Variants in CEP192 observed in about 807,000 individuals in gnomAD.
The protein encoded by CEP192 is centrosomal protein 192.
In CEP192, 151 loss-of-function variants were observed where a neutral mutation model predicts 271.8. That is an observed-to-expected ratio of 0.56 (90% CI 0.49 to 0.64). CEP192 has a LOEUF of 0.64. Among genes scored for constraint, CEP192 ranks in the 30% least tolerant of loss-of-function variants. The probability of loss-of-function intolerance (pLI) is 0.00; values close to 1 mark genes in which losing one functional copy is unlikely to be tolerated. For synonymous variants in CEP192, 995 were observed against 1,076.5 expected (o/e 0.92, Z 1.48); for missense variants, 2,910 against 3,020.5 (o/e 0.96, Z 0.86).
intron 17 of CEP192, among the ~76,000 whole-genome samples, chr18:13,050,606 G>A (rs554965302): frequency 1.7e-4 from 25 of 149,862 alleles, no homozygotes; most frequent in South Asian, 1.5e-3. Flanking sequence ...TTCCGACAGA[G>A]TCTCGCTCTG....
intron 2 of CEP192, among the ~76,000 whole-genome samples, chr18:13,001,182 A>G (rs888894651): frequency 2.0e-5 from 3 of 152,160 alleles, no homozygotes; most frequent in Non-Finnish European, 4.4e-5. Flanking sequence ...AGTGAGGAGC[A>G]CCATCTTGAC....
chr18:13,021,802 T>G (rs1329797647), intron 9 of CEP192, among the ~76,000 whole-genome samples: 1 of 152,218 alleles, frequency 6.6e-6, no homozygotes, highest in Non-Finnish European at 1.5e-5. Context: ...TTTTGTAGCT[T>G]TCAGTATGTC....
intron 1 of CEP192, among the ~76,000 whole-genome samples, chr18:12,998,832 A>G (rs192236004): frequency 5.4e-4 from 82 of 152,328 alleles, no homozygotes; most frequent in Non-Finnish European, 9.0e-4. Flanking sequence ...TAGTAATAGC[A>G]TAGGTTTTGT....
chr18:13,056,129 G>A lies in CEP192; in HGVS notation c.3539G>A (p.Gly1180Glu). 6.2e-7 allele frequency: 1 copy of A among 1,613,028 alleles called. No individual in the cohort carries two copies. The highest frequency in any genetic ancestry group is 8.5e-7 in the Non-Finnish European group (1 of 1,179,380). The change falls in exon 19 of 45, where the codon GGG (glycine) becomes GAG (glutamate). Residue 1180 changes from glycine to glutamate, a missense_variant. By Grantham distance (98) the Gly-to-Glu change is moderately conservative (BLOSUM62 -2). Transcript: ENST00000506447. ...AAGTCAGGTCTGAGCTGTCAGGTGG[G>A]GTCAGCCACATCACACCCTGTGTCC... ...LGKSGLSCQV[G>E]SATSHPVSCQ... is the part of the protein sequence containing the mutation.
At chr18:13,031,001 A>T (rs1282448393) in intron 11 of CEP192, among the ~76,000 whole-genome samples, 1 of 152,206 alleles carries the variant, frequency 6.6e-6, no homozygotes, top group East Asian at 1.9e-4. Context: ...AAATGATGGA[A>T]GAAAAGTAAC....
chr18:13,010,455 A>G (rs2034272979), intron 4 of CEP192, among the ~76,000 whole-genome samples: 1 of 152,202 alleles, frequency 6.6e-6, no homozygotes, highest in South Asian at 2.1e-4. Flanking sequence ...GAAAGAAAAG[A>G]GTGGTATTAT....
rs192379040 is a variant in CEP192 at position 13,020,313 on chromosome 18, A to G, written c.1050+1107A>G. ...ATTTGCCCACTCTGGGTAACCTCAT[A>G]TAAGTGAAATCATACAATATTTGGC... On this transcript the variant is annotated intron_variant, in intron 9 of 44. Coordinates refer to ENST00000506447, the MANE Select transcript of CEP192 (RefSeq NM_032142.4). 9.2e-5 allele frequency among the ~76,000 whole-genome samples: 14 copies of G among 152,178 alleles called. No homozygotes were observed. The South Asian group carries it at 2.5e-3, about 27-fold the overall frequency.
At chr18:13,073,932 T>C (rs142256822) in intron 30 of CEP192, among the ~76,000 whole-genome samples, 2 of 152,262 alleles carry the variant, frequency 1.3e-5, no homozygotes, top group Non-Finnish European at 1.5e-5. Context: ...AAGACAAGAG[T>C]TTTTATGCTT....
chr18:13,112,215 G>T lies in CEP192; in HGVS notation c.7048-1371G>T, dbSNP rs78494451. On this transcript the variant is annotated intron_variant, in intron 40 of 44. Coordinates refer to ENST00000506447, the MANE Select transcript of CEP192 (RefSeq NM_032142.4). ...TTATTCACAATAGACAAAAAAGTGG[G>T]AATCACCCAAATGTCTGATGGGTCG... Among the ~76,000 whole-genome samples, 3 of 152,288 alleles carry T rather than the reference G, an allele frequency of 2.0e-5. No homozygotes were observed. In the East Asian group the frequency reaches 5.8e-4, roughly 29 times the overall value.
chr18:13,057,564 C>G, intron 19 of CEP192, 21 bp from the exon 20 acceptor site: 1 of 1,605,430 alleles, frequency 6.2e-7, no homozygotes, highest in Non-Finnish European at 8.5e-7. Flanking sequence ...GCATTTTTGA[C>G]TGTGCCTTAT....
Position 13,103,595 on chromosome 18 carries a change from C to G in CEP192, c.6951+7C>G. ...AGCGCCACCTTATGTCAAGGTCAGT[C>G]ATGACTGCCTCAGATATAATCGTTT... On this transcript the variant is annotated splice_region_variant and intron_variant, in intron 39 of 44. Coordinates refer to ENST00000506447, the MANE Select transcript of CEP192 (RefSeq NM_032142.4). 2 of 1,598,406 alleles carry G rather than the reference C, an allele frequency of 1.3e-6. No homozygotes were observed. Among genetic ancestry groups the G allele is most frequent in the South Asian group, 2.2e-5 (2 of 90,744 alleles).
chr18:13,124,384 A>T (rs987525524), intron 44 of CEP192: 1 of 349,046 alleles, frequency 2.9e-6, no homozygotes, highest in African/African-American at 2.0e-5. Context: ...CTTTTTATAT[A>T]TTAATAGTTA....
At chr18:13,034,562 C>CT (rs957918513) in intron 11 of CEP192, among the ~76,000 whole-genome samples, 1 of 151,994 alleles carries the variant, frequency 6.6e-6, no homozygotes, top group African/African-American at 2.4e-5. Flanking sequence ...AATCCCAGCA[C>CT]TTTGGGAGGC....
Position 13,059,147 on chromosome 18 carries a change from A to G in CEP192, c.4323A>G (p.Thr1441=). Residue 1441 remains threonine (T), a synonymous_variant, in exon 21 of 45, where the codon ACA becomes ACG. Transcript: ENST00000506447. ...KNKAIIRPHA[T]EEIKVLFIPS... is the part of the protein sequence containing the mutation. ...AAGCCATCATAAGACCTCATGCCAC[A>G]GAAGAGATAAAAGTGCTTTTTATAC... The G allele has an allele frequency of 1.2e-5, 20 of 1,614,138 alleles. No homozygotes were observed. The highest frequency in any genetic ancestry group is 1.6e-5 in the Non-Finnish European group (19 of 1,179,978).
At chr18:13,003,552 G>A (rs766091317) in intron 3 of CEP192, among the ~76,000 whole-genome samples, 93 of 152,060 alleles carry the variant, frequency 6.1e-4, no homozygotes, top group Non-Finnish European at 1.2e-3. Flanking sequence ...CAAAGGTGCG[G>A]CCAGCCTGAA....
At chr18:13,038,017 A>G (rs186182479) in intron 12 of CEP192, among the ~76,000 whole-genome samples, 29 of 151,786 alleles carry the variant, frequency 1.9e-4, no homozygotes, top group Middle Eastern at 6.8e-3. Context: ...TCTTCTTATT[A>G]TTTTTCAGAT....
chr18:13,098,685 C>T (rs1038110978), intron 36 of CEP192, among the ~76,000 whole-genome samples: 2 of 151,204 alleles, frequency 1.3e-5, no homozygotes, highest in African/African-American at 4.9e-5. Context: ...AGACGCTCCT[C>T]ACTTTCCAGA....
chr18:13,056,555 G>T lies in CEP192; in HGVS notation c.3965G>T (p.Trp1322Leu). Reference sequence around the variant, plus strand: ...CTAGGATCAAATATCGGCTCTGGATGGATGGGTACCTCTTCCCTCTGTAAC... The same window carrying T: ...CTAGGATCAAATATCGGCTCTGGATTGATGGGTACCTCTTCCCTCTGTAAC... ...ICLGSNIGSGWMGTSSLCNPY... is the reference protein window; with the variant it reads ...ICLGSNIGSGLMGTSSLCNPY... Residue 1322 changes from tryptophan (W) to leucine (L), a missense_variant, in exon 19 of 45, where the codon TGG (tryptophan) becomes TTG (leucine). Transcript: ENST00000506447. 1 of 1,614,162 alleles carries T rather than the reference G, an allele frequency of 6.2e-7. No homozygotes were observed. The highest frequency in any genetic ancestry group is 8.5e-7 in the Non-Finnish European group (1 of 1,180,020).
At chr18:13,122,794 C>T (rs923836629) in intron 44 of CEP192, among the ~76,000 whole-genome samples, 1 of 151,806 alleles carries the variant, frequency 6.6e-6, no homozygotes, top group African/African-American at 2.4e-5. Context: ...AACTAGACCT[C>T]CCCACTGGGT....
Sources: allele counts gnomAD v4.1 joint callset (sites outside exome capture counted in the v4.1 genomes callset), GRCh38; gene constraint gnomAD v4.1.1; transcripts MANE v1.5; gene names NCBI Gene and HGNC (gene_info 2026-07-23, HGNC 2026-07-21).